Variants in FGL1 observed in about 807,000 individuals in gnomAD.
The protein encoded by FGL1 is fibrinogen-like protein 1.
FGL1 carries 59 observed loss-of-function variants against 43.7 expected under a neutral mutation model. The ratio of observed to expected loss-of-function variants is 1.35; its 90% CI spans 1.10 to 1.68. FGL1 has a LOEUF of 1.68. FGL1 is among the 40% of genes most tolerant of loss of function. The probability of loss-of-function intolerance (pLI) is 0.00; values close to 1 mark genes in which losing one functional copy is unlikely to be tolerated. For missense variants in FGL1, 596 were observed against 373.0 expected (o/e 1.60, Z -4.92); for synonymous variants, 192 against 126.5 (o/e 1.52, Z -3.48).
At chr8:17,867,531 G>T (rs35660852) in intron 7 of FGL1, among the ~76,000 whole-genome samples, 1 of 152,176 alleles carries the variant, frequency 6.6e-6, no homozygotes, top group African/African-American at 2.4e-5. Context: ...AATAATAAAA[G>T]ATTATGATTA....
intron 7 of FGL1, 104 bp downstream of exon 7, chr8:17,868,444 T>A: frequency 1.2e-6 from 1 of 858,482 alleles, no homozygotes; most frequent in Non-Finnish European, 1.6e-6. Context: ...AATACTAATA[T>A]TATAAATAAA....
chr8:17,874,429 C>A lies in FGL1; in HGVS notation c.337G>T (p.Asp113Tyr), dbSNP rs2053413354. Residue 113 changes from aspartate to tyrosine, a missense_variant, in exon 4 of 8, where the codon GAC becomes TAC. Transcript: ENST00000427924. The part of the protein sequence containing the change: ...QSPAEFSVYC[D>Y]MSDGGGWTVI... ...GTCCATCCTCCTCCATCGGACATGT[C>A]ACAATAAACAGAAAATTCTGCTGGG... The A allele has an allele frequency of 6.2e-7, 1 of 1,614,116 alleles. No individual in the cohort carries two copies. Among genetic ancestry groups the A allele is most frequent in the Non-Finnish European group, 8.5e-7 (1 of 1,179,976 alleles).
At chr8:17,877,296 C>A (rs2053470738) in intron 3 of FGL1, among the ~76,000 whole-genome samples, 1 of 151,944 alleles carries the variant, frequency 6.6e-6, no homozygotes, top group African/African-American at 2.4e-5. Flanking sequence ...GCCAAGGCAT[C>A]CTGCCTTCTG....
chr8:17,873,705 A>G (rs2053399624), intron 5 of FGL1, among the ~76,000 whole-genome samples: 1 of 12,394 alleles, frequency 8.1e-5, no homozygotes. Context: ...ATAGCGACTT[A>G]TATTCTATAT....
At chr8:17,892,751 AT>A (rs2053723015) in intron 1 of FGL1, among the ~76,000 whole-genome samples, 2 of 152,226 alleles carry the variant, frequency 1.3e-5, no homozygotes, top group South Asian at 4.1e-4. Context: ...CCCAGATAAT[AT>A]TCAGGAGTCA....
Position 17,875,074 on chromosome 8 carries a change from G to A in FGL1, c.245-553C>T, listed in dbSNP as rs145976264. 5.0e-3 allele frequency among the ~76,000 whole-genome samples: 766 copies of A among 152,266 alleles called. 4 individuals are homozygous for A. The highest frequency in any genetic ancestry group is 6.7e-3 in the Non-Finnish European group (455 of 68,020). On this transcript the variant is annotated intron_variant, in intron 3 of 7. Coordinates refer to ENST00000427924, the MANE Select transcript of FGL1 (RefSeq NM_004467.4). Reference sequence around the variant, plus strand: ...TCTCACCCATGAAGCTAAAATGAAAGCAGAAATGTTAACACCAAAGTTACT... The same window carrying A: ...TCTCACCCATGAAGCTAAAATGAAAACAGAAATGTTAACACCAAAGTTACT...
intron 1 of FGL1, among the ~76,000 whole-genome samples, chr8:17,890,375 C>G (rs1380343477): frequency 6.6e-6 from 1 of 152,186 alleles, no homozygotes; most frequent in Admixed American, 6.5e-5. Context: ...CAACACATCT[C>G]TTTTCCCATC....
In FGL1 at chr8:17,874,568, TC is replaced by T. The variant is rs2053416638; in HGVS notation, c.245-48del. The T allele has an allele frequency of 4.0e-6, 6 of 1,514,960 alleles. No individual in the cohort carries two copies. The African/African-American group carries it at 4.1e-5, about 10-fold the overall frequency. The allele number at this position is 1,514,960 out of a possible 1,614,324, so 93.8% of individuals were successfully genotyped here. ...GTAACATTCATTATGTGTCTTTTTCTCCCCCCGCCTTAGGGAGCCTCTGAAT... is the reference window on the plus strand; with the variant it reads ...GTAACATTCATTATGTGTCTTTTTCTCCCCCGCCTTAGGGAGCCTCTGAAT... On this transcript the variant is annotated intron_variant, in intron 3 of 7. Transcript: ENST00000427924.
intron 1 of FGL1, among the ~76,000 whole-genome samples, chr8:17,889,208 A>G (rs2053670835): frequency 6.6e-6 from 1 of 152,132 alleles, no homozygotes. Flanking sequence ...AATAAGGAAT[A>G]CTCATCTGAA....
chr8:17,885,548 T>C lies in FGL1; in HGVS notation c.7A>G (p.Lys3Glu). 6.2e-7 allele frequency: 1 copy of C among 1,613,706 alleles called. No individual in the cohort carries two copies. Among genetic ancestry groups the C allele is most frequent in the Non-Finnish European group, 8.5e-7 (1 of 1,179,802 alleles). ...GTAACAAGGATGAAACTGAACACCT[T>C]TGCCATGTTCCCCCTTGAAAAAACT... MA[K>E]VFSFILVTTA... Residue 3 changes from lysine to glutamate, a missense_variant, in exon 2 of 8, where the codon AAG (lysine) becomes GAG (glutamate). Transcript: ENST00000427924.
intron 7 of FGL1, 123 bp from the exon 8 acceptor site, chr8:17,864,874 C>T (rs1370808505): frequency 2.6e-6 from 2 of 777,948 alleles, no homozygotes; most frequent in East Asian, 6.5e-5. Flanking sequence ...ATTTTTCAGA[C>T]AAGTAAATAT....
In FGL1 at chr8:17,868,915, C is replaced by A. The variant is rs757034174; in HGVS notation, c.591+1G>T. ...TTTTACTTCTTAGAAAATTGTAGTA[C>A]CTTTTCATCTCCAACTTTGAAATTC... is the stretch of plus-strand genomic sequence containing the variant. On this transcript the variant is annotated splice_donor_variant, in intron 6 of 7. Transcript: ENST00000427924. LOFTEE classifies it high-confidence loss of function. 2 of 1,588,832 alleles carry A rather than the reference C, an allele frequency of 1.3e-6. No homozygotes were observed. Among genetic ancestry groups the A allele is most frequent in the East Asian group, 2.2e-5 (1 of 44,612 alleles).
At chr8:17,870,206 C>T (rs1010950772) in intron 5 of FGL1, among the ~76,000 whole-genome samples, 1 of 152,242 alleles carries the variant, frequency 6.6e-6, no homozygotes, top group East Asian at 1.9e-4. Context: ...CAAAAAATCT[C>T]TAAACATTAA....
At chr8:17,874,253 A>T (rs886761909) in intron 4 of FGL1, 109 bp downstream of exon 4, 1 of 1,383,680 alleles carries the variant, frequency 7.2e-7, no homozygotes, top group African/African-American at 1.5e-5. Context: ...TTCTTTAGAG[A>T]GATTGAAATT....
At chr8:17,870,865 C>T (rs556139561) in intron 5 of FGL1, among the ~76,000 whole-genome samples, 1 of 151,678 alleles carries the variant, frequency 6.6e-6, no homozygotes, top group East Asian at 2.0e-4. Flanking sequence ...GAGATCGCGC[C>T]ACTGCACTCC....
At chr8:17,875,045 T>C (rs1178572014) in intron 3 of FGL1, among the ~76,000 whole-genome samples, 1 of 152,180 alleles carries the variant, frequency 6.6e-6, no homozygotes, top group East Asian at 1.9e-4. Context: ...AATAGTAAAA[T>C]TTATCTCACC....
chr8:17,887,484 C>T (rs764504853), intron 1 of FGL1, among the ~76,000 whole-genome samples: 1 of 152,202 alleles, frequency 6.6e-6, no homozygotes, highest in Non-Finnish European at 1.5e-5. Flanking sequence ...TTCTGTATTA[C>T]AACACTGGGC....
intron 5 of FGL1, among the ~76,000 whole-genome samples, chr8:17,869,935 C>G (rs1304046570): frequency 6.6e-6 from 1 of 152,058 alleles, no homozygotes; most frequent in Non-Finnish European, 1.5e-5. Flanking sequence ...CTGTGAAACC[C>G]CGTCTCTACT....
chr8:17,865,448 G>C (rs949259244), intron 7 of FGL1, among the ~76,000 whole-genome samples: 6 of 152,104 alleles, frequency 3.9e-5, no homozygotes, highest in Non-Finnish European at 7.4e-5. Flanking sequence ...TAAATTGCTA[G>C]CCTATCAGTT....
Sources: allele counts gnomAD v4.1 joint callset (sites outside exome capture counted in the v4.1 genomes callset), GRCh38; gene constraint gnomAD v4.1.1; transcripts MANE v1.5; gene names NCBI Gene and HGNC (gene_info 2026-07-23, HGNC 2026-07-21).